The following STAMBPL1 variants were observed in gnomAD, a reference collection of about 807,000 sequenced individuals.
The protein encoded by STAMBPL1 is STAM binding protein like 1.
A neutral mutation model predicts 52.9 loss-of-function variants in STAMBPL1; 44 were observed. The observed-to-expected ratio is 0.83, with a 90% CI of 0.65 to 1.07. The LOEUF (loss-of-function observed/expected upper bound fraction) is 1.07. Among genes scored for constraint, STAMBPL1 ranks in the 50% least tolerant of loss-of-function variants. The pLI is 0.00. For missense variants in STAMBPL1, 511 were observed against 520.8 expected (o/e 0.98, Z 0.18); for synonymous variants, 164 against 177.3 (o/e 0.92, Z 0.60).
chr10:88,890,964 T>A (rs1037372976), intron 1 of STAMBPL1, among the ~76,000 whole-genome samples: 4 of 152,236 alleles, frequency 2.6e-5, no homozygotes, highest in Non-Finnish European at 5.9e-5. Flanking sequence ...TTAATAAATA[T>A]GTACTAAGTG....
intron 1 of STAMBPL1, among the ~76,000 whole-genome samples, chr10:88,900,838 C>T (rs1405364844): frequency 6.6e-6 from 1 of 152,216 alleles, no homozygotes; most frequent in East Asian, 1.9e-4. Context: ...CAGCAATTGA[C>T]TTGTTGACAT....
intron 8 of STAMBPL1, among the ~76,000 whole-genome samples, chr10:88,919,466 A>G (rs1203042965): frequency 6.6e-6 from 1 of 152,170 alleles, no homozygotes; most frequent in Non-Finnish European, 1.5e-5. Flanking sequence ...GAAATGAAGG[A>G]CTCAGGTCAT....
chr10:88,890,802 C>T (rs1844661375), intron 1 of STAMBPL1, among the ~76,000 whole-genome samples: 2 of 152,238 alleles, frequency 1.3e-5, no homozygotes, highest in East Asian at 1.9e-4. Flanking sequence ...CAGAATCTTT[C>T]CCAATAACTG....
chr10:88,887,269 C>G (rs1433398605), intron 1 of STAMBPL1, among the ~76,000 whole-genome samples: 1 of 151,912 alleles, frequency 6.6e-6, no homozygotes, highest in Non-Finnish European at 1.5e-5. Flanking sequence ...GAAAATCACT[C>G]AAAATCATTG....
intron 6 of STAMBPL1, among the ~76,000 whole-genome samples, 158 bp downstream of exon 6, chr10:88,913,616 T>C (rs1175598622): frequency 6.6e-6 from 1 of 152,192 alleles, no homozygotes; most frequent in Non-Finnish European, 1.5e-5. Flanking sequence ...CAATACTCTC[T>C]AGCTTTTACT....
rs187780802 is a variant in STAMBPL1 at position 88,913,628 on chromosome 10, T to C, written c.778+170T>C. ...TTTCAATACTCTCTAGCTTTTACTA[T>C]ATATAATCTTAAAATTCAGGAAATA... On this transcript the variant is annotated intron_variant, in intron 6 of 10. Transcript: ENST00000371926. 1.2e-4 allele frequency among the ~76,000 whole-genome samples: 19 copies of C among 152,300 alleles called. No homozygotes were observed. In the East Asian group the frequency reaches 3.1e-3, roughly 25 times the overall value.
At chr10:88,902,205 C>T (rs2133165772) in intron 2 of STAMBPL1, among the ~76,000 whole-genome samples, 1 of 152,300 alleles carries the variant, frequency 6.6e-6, no homozygotes, top group Admixed American at 6.5e-5. Flanking sequence ...CCCCTCACTG[C>T]CCAGCACTGT....
At chr10:88,898,144 T>C (rs1262797896) in intron 1 of STAMBPL1, among the ~76,000 whole-genome samples, 1 of 152,242 alleles carries the variant, frequency 6.6e-6, no homozygotes, top group Non-Finnish European at 1.5e-5. Context: ...CTTTACACTC[T>C]TAATTACTAA....
intron 7 of STAMBPL1, 119 bp from the exon 8 acceptor site, chr10:88,916,561 T>A: frequency 1.0e-5 from 8 of 764,478 alleles, no homozygotes; most frequent in Non-Finnish European, 1.1e-5. Context: ...AAGTGGTCCC[T>A]GTACCTGGAC....
intron 5 of STAMBPL1, chr10:88,912,862 C>T: frequency 2.2e-6 from 1 of 460,554 alleles, no homozygotes; most frequent in Non-Finnish European, 3.9e-6. Flanking sequence ...TGAAGGGATC[C>T]TGATTGTCAT....
At chr10:88,905,365 C>A in intron 2 of STAMBPL1, 78 bp from the exon 3 acceptor site, 1 of 1,107,712 alleles carries the variant, frequency 9.0e-7, no homozygotes, top group Non-Finnish European at 1.4e-6. Flanking sequence ...TCATAAAGAA[C>A]ATATGTCCAT....
At chr10:88,891,571 C>T (rs1224261704) in intron 1 of STAMBPL1, among the ~76,000 whole-genome samples, 1 of 152,110 alleles carries the variant, frequency 6.6e-6, no homozygotes, top group African/African-American at 2.4e-5. Flanking sequence ...ATAACTTAAA[C>T]AAATATCACG....
intron 8 of STAMBPL1, among the ~76,000 whole-genome samples, chr10:88,918,900 G>A (rs961606285): frequency 2.0e-5 from 3 of 152,140 alleles, no homozygotes; most frequent in Non-Finnish European, 4.4e-5. Context: ...ATGAAGGTAA[G>A]TTGTTTAATA....
At chr10:88,915,424 A>G (rs1456756969) in intron 7 of STAMBPL1, among the ~76,000 whole-genome samples, 3 of 152,182 alleles carry the variant, frequency 2.0e-5, no homozygotes, top group Non-Finnish European at 4.4e-5. Flanking sequence ...GTGTTTTGTC[A>G]TCACTTTCCC....
At chr10:88,907,670 A>T (rs2133181630) in intron 3 of STAMBPL1, among the ~76,000 whole-genome samples, 1 of 152,328 alleles carries the variant, frequency 6.6e-6, no homozygotes, top group East Asian at 1.9e-4. Flanking sequence ...TCATCTACAA[A>T]TGAAAGATTT....
At chr10:88,904,030 G>T (rs928377999) in intron 2 of STAMBPL1, among the ~76,000 whole-genome samples, 1 of 152,218 alleles carries the variant, frequency 6.6e-6, no homozygotes, top group Non-Finnish European at 1.5e-5. Context: ...GTCCCTGAAG[G>T]TTGGCTCGGT....
At chr10:88,922,678 T>C (rs1845544682) in intron 10 of STAMBPL1, among the ~76,000 whole-genome samples, 1 of 152,168 alleles carries the variant, frequency 6.6e-6, no homozygotes, top group Non-Finnish European at 1.5e-5. Flanking sequence ...AAGTTACCTT[T>C]CCGCTTATGT....
In STAMBPL1 at chr10:88,923,368, G is replaced by A. The variant is rs552812692; in HGVS notation, c.*144G>A. ...ACAAAGCTTGATATTTATTGCTGTT[G>A]CACATTTTAAAGTTTTCTTTTTGGG... is the stretch of plus-strand genomic sequence containing the variant. On this transcript the variant is annotated 3_prime_UTR_variant, in exon 11 of 11. Transcript: ENST00000371926. The A allele has an allele frequency of 3.6e-5, 49 of 1,377,284 alleles. No homozygotes were observed. The Admixed American group carries it at 4.0e-4, about 11-fold the overall frequency. The allele number at this position is 1,377,284 out of a possible 1,614,324, so 85.3% of individuals were successfully genotyped here.
chr10:88,906,769 A>AT (rs1360140227), intron 3 of STAMBPL1, among the ~76,000 whole-genome samples: 9 of 151,986 alleles, frequency 5.9e-5, no homozygotes, highest in Admixed American at 1.3e-4. Flanking sequence ...TGCTCAGCTA[A>AT]TTTTTTATTT....
Sources: allele counts gnomAD v4.1 joint callset (sites outside exome capture counted in the v4.1 genomes callset), GRCh38; gene constraint gnomAD v4.1.1; transcripts MANE v1.5; gene names NCBI Gene and HGNC (gene_info 2026-07-23, HGNC 2026-07-21).